Variants in PDSS2 observed in about 807,000 individuals in gnomAD.
PDSS2 encodes the protein decaprenyl diphosphate synthase subunit 2, also known as all trans-polyprenyl-diphosphate synthase PDSS2.
PDSS2 carries 31 observed loss-of-function variants against 44.5 expected under a neutral mutation model. The ratio of observed to expected loss-of-function variants is 0.70; its 90% CI spans 0.52 to 0.94. PDSS2 has a LOEUF of 0.94. PDSS2 is among the 40% of genes least tolerant of loss of function. The pLI, the probability that PDSS2 is intolerant of heterozygous loss-of-function variation, is 0.00. For synonymous variants in PDSS2, 157 were observed against 180.3 expected, an observed-to-expected ratio of 0.87 and a Z score of 1.03; for missense variants, 452 against 482.2, an observed-to-expected ratio of 0.94 and a Z score of 0.59.
chr6:107,320,645 A>G (rs773109159), intron 2 of PDSS2, among the ~76,000 whole-genome samples: 13 of 152,242 alleles, frequency 8.5e-5, no homozygotes, highest in Non-Finnish European at 1.6e-4. Context: ...GGAAACATGC[A>G]GTAATAGAGA....
chr6:107,172,075 A>G (rs1771599167), intron 7 of PDSS2, among the ~76,000 whole-genome samples: 1 of 152,202 alleles, frequency 6.6e-6, no homozygotes, highest in South Asian at 2.1e-4. Flanking sequence ...GTGCAGTATC[A>G]CCTGAAATAA....
intron 1 of PDSS2, among the ~76,000 whole-genome samples, chr6:107,425,292 C>T (rs920194726): frequency 8.0e-5 from 12 of 150,578 alleles, no homozygotes; most frequent in African/African-American, 2.9e-4. Flanking sequence ...AACTGGGTAA[C>T]AGGCAGAGGT....
At chr6:107,180,735 G>A (rs1771946507) in intron 7 of PDSS2, among the ~76,000 whole-genome samples, 1 of 152,088 alleles carries the variant, frequency 6.6e-6, no homozygotes, top group African/African-American at 2.4e-5. Flanking sequence ...ATTTTTAGGG[G>A]TCAGTAATAC....
At chr6:107,190,356 C>T (rs779332626) in intron 7 of PDSS2, among the ~76,000 whole-genome samples, 12 of 152,190 alleles carry the variant, frequency 7.9e-5, no homozygotes, top group Non-Finnish European at 1.2e-4. Flanking sequence ...TTCTCCCCAA[C>T]TTACTGCGTG....
intron 2 of PDSS2, among the ~76,000 whole-genome samples, chr6:107,277,435 T>C (rs1775820915): frequency 6.6e-6 from 1 of 152,146 alleles, no homozygotes; most frequent in African/African-American, 2.4e-5. Flanking sequence ...TTATAGCAGG[T>C]GAAATGGTCT....
In PDSS2 at chr6:107,429,903, T is replaced by TATATATAC. The variant is rs1562534228; in HGVS notation, c.296+29086_296+29087insGTATATAT. On this transcript the variant is annotated intron_variant, in intron 1 of 7. Coordinates refer to ENST00000369037, the MANE Select transcript of PDSS2 (RefSeq NM_020381.4). ...TAGTCTCAAAAAAAAAAAAAAAAAA[T>TATATATAC]ATATATATATATATATATATATATA... Among the ~76,000 whole-genome samples, 2 of 15,726 alleles carry TATATATAC rather than the reference T, an allele frequency of 1.3e-4. 1 individual carries two copies. Among genetic ancestry groups the TATATATAC allele is most frequent in the South Asian group, 7.5e-3 (2 of 268 alleles). 10.3% of individuals were successfully genotyped at this position (15,726 alleles called of 152,430 possible). A position where few individuals can be genotyped will look rare whatever the true frequency, so the allele number is the denominator to read the frequency against.
intron 2 of PDSS2, among the ~76,000 whole-genome samples, chr6:107,298,265 C>T (rs993053566): frequency 6.6e-6 from 1 of 152,136 alleles, no homozygotes; most frequent in Non-Finnish European, 1.5e-5. Context: ...GTGGGTTCTA[C>T]ATTCCTGGAT....
At chr6:107,255,639 T>C (rs1024781307) in intron 3 of PDSS2, among the ~76,000 whole-genome samples, 1 of 151,900 alleles carries the variant, frequency 6.6e-6, no homozygotes, top group African/African-American at 2.4e-5. Flanking sequence ...TGATAGTGAT[T>C]CACTAAATTG....
intron 1 of PDSS2, among the ~76,000 whole-genome samples, chr6:107,360,627 G>C (rs1310096717): frequency 6.6e-6 from 1 of 152,170 alleles, no homozygotes; most frequent in African/African-American, 2.4e-5. Flanking sequence ...ATCACTAAGA[G>C]GACAGTGTTG....
chr6:107,238,816 G>C (rs1488707503), intron 4 of PDSS2, among the ~76,000 whole-genome samples: 1 of 152,108 alleles, frequency 6.6e-6, no homozygotes, highest in Non-Finnish European at 1.5e-5. Context: ...CTTATAAGCA[G>C]GTTTTTCTCA....
intron 4 of PDSS2, among the ~76,000 whole-genome samples, chr6:107,215,958 G>A (rs963234977): frequency 1.3e-5 from 2 of 152,002 alleles, no homozygotes; most frequent in African/African-American, 4.8e-5. Flanking sequence ...GCAACATGGT[G>A]AAATCCCGTC....
chr6:107,350,580 G>A (rs1778401223), intron 1 of PDSS2, among the ~76,000 whole-genome samples: 1 of 152,184 alleles, frequency 6.6e-6, no homozygotes, highest in East Asian at 1.9e-4. Context: ...GGGAGGCTGA[G>A]GGAGAAGGCC....
chr6:107,445,719 A>G (rs1022907165), intron 1 of PDSS2, among the ~76,000 whole-genome samples: 1 of 152,178 alleles, frequency 6.6e-6, no homozygotes, highest in African/African-American at 2.4e-5. Flanking sequence ...CGGCTTCCTT[A>G]CCTGCCACAT....
chr6:107,430,753 G>A lies in PDSS2; in HGVS notation c.296+28237C>T, dbSNP rs907863274. 4.0e-5 allele frequency among the ~76,000 whole-genome samples: 6 copies of A among 151,888 alleles called. No individual in the cohort carries two copies. In the East Asian group the frequency reaches 5.8e-4, roughly 15 times the overall value. ...GAACCTGGGAGGCGGAGGTTGCGGT[G>A]AGCCAAGACTGCACCACTGCACTCC... On this transcript the variant is annotated intron_variant, in intron 1 of 7. Coordinates refer to ENST00000369037, the MANE Select transcript of PDSS2 (RefSeq NM_020381.4).
intron 1 of PDSS2, among the ~76,000 whole-genome samples, chr6:107,447,116 G>A (rs1171438097): frequency 1.3e-5 from 2 of 152,024 alleles, no homozygotes; most frequent in East Asian, 1.9e-4. Flanking sequence ...GGCGGATCAC[G>A]AGGTCAGGAG....
intron 7 of PDSS2, among the ~76,000 whole-genome samples, chr6:107,189,607 G>A (rs796557212): frequency 1.6e-4 from 24 of 152,262 alleles, no homozygotes; most frequent in African/African-American, 4.6e-4. Flanking sequence ...AAAGTGCTGC[G>A]ATTACAGGTG....
intron 3 of PDSS2, among the ~76,000 whole-genome samples, chr6:107,253,790 T>G (rs1349361754): frequency 1.3e-5 from 2 of 152,214 alleles, no homozygotes; most frequent in Admixed American, 1.3e-4. Context: ...AATAGTCATT[T>G]ATTGATCACT....
intron 6 of PDSS2, among the ~76,000 whole-genome samples, chr6:107,195,711 C>A (rs1476743290): frequency 1.4e-5 from 2 of 141,158 alleles, no homozygotes; most frequent in Non-Finnish European, 1.5e-5. Context: ...AGGCACCCAC[C>A]ACCACGCCCG....
chr6:107,300,119 C>T (rs1303999622), intron 2 of PDSS2, among the ~76,000 whole-genome samples: 1 of 152,210 alleles, frequency 6.6e-6, no homozygotes, highest in African/African-American at 2.4e-5. Flanking sequence ...TTCAGGCCTA[C>T]ATTTCAATCC....
Sources: allele counts gnomAD v4.1 joint callset (sites outside exome capture counted in the v4.1 genomes callset), GRCh38; gene constraint gnomAD v4.1.1; transcripts MANE v1.5; gene names NCBI Gene and HGNC (gene_info 2026-07-23, HGNC 2026-07-21).